The following THAP8 variants were observed in gnomAD, a reference collection of about 807,000 sequenced individuals.
THAP8 encodes THAP domain containing 8.
In THAP8, 24 loss-of-function variants were observed where a neutral mutation model predicts 25.0. The ratio of observed to expected loss-of-function variants is 0.96; its 90% CI spans 0.69 to 1.35. The LOEUF is 1.35. Ranked by LOEUF, THAP8 falls within the 40% of genes most tolerant of loss-of-function variation. The pLI, the probability that THAP8 is intolerant of heterozygous loss-of-function variation, is 0.00. For synonymous variants in THAP8, 169 were observed against 157.6 expected (o/e 1.07, Z -0.54); for missense variants, 399 against 368.8 (o/e 1.08, Z -0.67).
intron 1 of THAP8, among the ~76,000 whole-genome samples, chr19:36,043,057 T>A (rs1054930272): frequency 2.6e-5 from 4 of 152,154 alleles, no homozygotes; most frequent in Non-Finnish European, 5.9e-5. Context: ...GCTTCCCAAG[T>A]AGCTGGGATT....
intron 1 of THAP8, among the ~76,000 whole-genome samples, chr19:36,040,429 C>T (rs570192080): frequency 1.2e-4 from 18 of 152,268 alleles, no homozygotes; most frequent in Admixed American, 9.8e-4. Flanking sequence ...TGGGTTCAAA[C>T]GATTCTTCTG....
At position 36,054,116 on chromosome 19, in the gene THAP8, C is replaced by A; in HGVS notation, c.83+19G>T. The A allele has an allele frequency of 6.2e-7, 1 of 1,610,012 alleles. No individual in the cohort carries two copies. Among genetic ancestry groups the A allele is most frequent in the East Asian group, 2.2e-5 (1 of 44,748 alleles). ...TCAGGGTCCCGCCTCCCTCAAGCCC[C>A]GCCCCGCGCTGCGCTCACTTGTAGA... On this transcript the variant is annotated intron_variant, in intron 1 of 3. Coordinates refer to ENST00000292894, the MANE Select transcript of THAP8 (RefSeq NM_152658.3).
At chr19:36,054,506 C>A (rs1193318916), upstream of THAP8, 4 of 568,608 alleles carry the variant, frequency 7.0e-6, no homozygotes, top group Non-Finnish European at 1.3e-5. Flanking sequence ...GGGGGAAGGG[C>A]GGCGTCACGG....
rs984002962 is a variant in THAP8 at position 36,044,432 on chromosome 19, C to T, written c.84-4296G>A. Among the ~76,000 whole-genome samples, 4 of 152,120 alleles carry T rather than the reference C, an allele frequency of 2.6e-5. 1 individual carries two copies. The highest frequency in any genetic ancestry group is 1.3e-4 in the Admixed American group (2 of 15,246). On this transcript the variant is annotated intron_variant, in intron 1 of 3. Coordinates refer to ENST00000292894, the MANE Select transcript of THAP8 (RefSeq NM_152658.3). ...CATAAACAAAAGCTAACCATAAAAACATCAGATGCCATTACCTACTGAGGG... is the reference window on the plus strand; with the variant it reads ...CATAAACAAAAGCTAACCATAAAAATATCAGATGCCATTACCTACTGAGGG...
In THAP8 at chr19:36,054,218, G is replaced by A; in HGVS notation, c.-1C>T. On this transcript the variant is annotated 5_prime_UTR_variant, in exon 1 of 4. Coordinates refer to ENST00000292894, the MANE Select transcript of THAP8 (RefSeq NM_152658.3). ...TCGGCGCCCTGCAGTACTTGGGCAT[G>A]GCTATCCAGCCCCCGCTGAGTTTTG... is the stretch of plus-strand genomic sequence containing the variant. The A allele has an allele frequency of 6.2e-7, 1 of 1,613,328 alleles. No individual in the cohort carries two copies. The highest frequency in any genetic ancestry group is 1.1e-5 in the South Asian group (1 of 90,866).
intron 1 of THAP8, among the ~76,000 whole-genome samples, chr19:36,049,749 G>A (rs1443335314): frequency 3.3e-5 from 5 of 152,190 alleles, no homozygotes; most frequent in Non-Finnish European, 7.3e-5. Flanking sequence ...TTGTTGTTAT[G>A]AGAGAGGTAA....
In THAP8 at chr19:36,048,857, CA is replaced by C. The variant is rs1053047034; in HGVS notation, c.83+5277del. On this transcript the variant is annotated intron_variant, in intron 1 of 3. Coordinates refer to ENST00000292894, the MANE Select transcript of THAP8 (RefSeq NM_152658.3). ...CCCCTTCTTTAAAAAAAAAAAAAAA[CA>C]AAAAAACAAAAAACACCTTTGTTGT... Among the ~76,000 whole-genome samples, 99 of 95,810 alleles carry C rather than the reference CA, an allele frequency of 1.0e-3. 4 individuals carry two copies. Among genetic ancestry groups the C allele is most frequent in the Admixed American group, 2.7e-3 (24 of 9,012 alleles). 62.9% of individuals were successfully genotyped at this position (95,810 alleles called of 152,430 possible). A position where few individuals can be genotyped will look rare whatever the true frequency, so the allele number is the denominator to read the frequency against.
chr19:36,035,775 G>A (rs1969416106), intron 3 of THAP8, among the ~76,000 whole-genome samples, 183 bp from the exon 4 acceptor site: 1 of 152,016 alleles, frequency 6.6e-6, no homozygotes, highest in Non-Finnish European at 1.5e-5. Flanking sequence ...AGACATTCAT[G>A]GGAAAGGAAA....
At chr19:36,038,278 T>C (rs1211739009) in intron 3 of THAP8, among the ~76,000 whole-genome samples, 1 of 151,784 alleles carries the variant, frequency 6.6e-6, no homozygotes, top group Non-Finnish European at 1.5e-5. Context: ...GGTTTTTGGT[T>C]TTTTTTGAGA....
At chr19:36,052,409 C>G (rs1408479369) in intron 1 of THAP8, among the ~76,000 whole-genome samples, 2 of 152,210 alleles carry the variant, frequency 1.3e-5, no homozygotes, top group African/African-American at 4.8e-5. Context: ...AAACCATTCC[C>G]CCAACCCTAT....
At position 36,048,238 on chromosome 19, in the gene THAP8, G is replaced by T. The variant is rs368822545; in HGVS notation, c.83+5897C>A. On this transcript the variant is annotated intron_variant, in intron 1 of 3. Coordinates refer to ENST00000292894, the MANE Select transcript of THAP8 (RefSeq NM_152658.3). Reference sequence around the variant, plus strand: ...AAATGACCTGCAAAGGACATAGTGTGAGCAAGAAATACACCTTTGGGCCAC... The same window carrying T: ...AAATGACCTGCAAAGGACATAGTGTTAGCAAGAAATACACCTTTGGGCCAC... Among the ~76,000 whole-genome samples, 23 of 152,282 alleles carry T rather than the reference G, an allele frequency of 1.5e-4. 1 individual carries two copies. In the South Asian group the frequency reaches 4.8e-3, roughly 32 times the overall value.
chr19:36,039,850 A>G, intron 2 of THAP8, 94 bp downstream of exon 2: 1 of 1,584,384 alleles, frequency 6.3e-7, no homozygotes, highest in South Asian at 1.1e-5. Context: ...TGTCGTCAGG[A>G]GGGGAGGGCC....
chr19:36,039,212 A>G (rs1969588900), intron 3 of THAP8, 111 bp downstream of exon 3: 17 of 1,360,716 alleles, frequency 1.2e-5, no homozygotes, highest in Middle Eastern at 2.7e-4. Context: ...AAATTTGGAA[A>G]CACGGCTGAA....
chr19:36,037,342 C>CCACACACACACA (rs1969505749), intron 3 of THAP8, among the ~76,000 whole-genome samples: 1 of 98,480 alleles, frequency 1.0e-5, no homozygotes, highest in African/African-American at 4.9e-5. Flanking sequence ...AATTCCTCCC[C>CCACACACACACA]TACACACACA....
intron 3 of THAP8, among the ~76,000 whole-genome samples, chr19:36,037,276 AC>A (rs1389240575): frequency 2.4e-5 from 3 of 124,950 alleles, no homozygotes; most frequent in Admixed American, 1.6e-4. Flanking sequence ...ACACACACAC[AC>A]ACCTTCCTCA....
In THAP8 at chr19:36,035,504, T is replaced by C; in HGVS notation, c.761A>G (p.Asp254Gly). Residue 254 changes from aspartate (D) to glycine (G), a missense_variant, in exon 4 of 4, where the codon GAC (aspartate) becomes GGC (glycine). Coordinates refer to ENST00000292894, the MANE Select transcript of THAP8 (RefSeq NM_152658.3). ...GGCATCCACTGTGGCAGGTGCAGGG[T>C]CCTGGGCAAGGACCATGGCTATGTC... ...GPDIAMVLAQ[D>G]PAPATVDAKP... is the part of the protein sequence containing the mutation. The C allele has an allele frequency of 6.2e-7, 1 of 1,614,112 alleles. No individual in the cohort carries two copies. Among genetic ancestry groups the C allele is most frequent in the East Asian group, 2.2e-5 (1 of 44,878 alleles).
chr19:36,053,421 GGCGCGTGC>G (rs1168904942), intron 1 of THAP8, among the ~76,000 whole-genome samples: 1 of 149,726 alleles, frequency 6.7e-6, no homozygotes, highest in Non-Finnish European at 1.5e-5. Flanking sequence ...CAGGCATGGT[GGCGCGTGC>G]CTCTGGTCCC....
chr19:36,039,978 A>C lies in THAP8; in HGVS notation c.242T>G (p.Val81Gly), dbSNP rs780260210. 1.2e-6 allele frequency: 2 copies of C among 1,613,358 alleles called. No homozygotes were observed. The highest frequency in any genetic ancestry group is 8.5e-7 in the Non-Finnish European group (1 of 1,179,938). ...TGGTCCCCGGGAGAAGATGGAGGGC[A>C]CTGCATCAGGCCGCAGGTAGCGCAC... ...WGVRYLRPDA[V>G]PSIFSRGPPA... is the part of the protein sequence containing the mutation. Residue 81 changes from valine (V) to glycine (G), a missense_variant, in exon 2 of 4, where the codon GTG becomes GGG. Coordinates refer to ENST00000292894, the MANE Select transcript of THAP8 (RefSeq NM_152658.3).
intron 3 of THAP8, among the ~76,000 whole-genome samples, chr19:36,037,299 T>TACAC (rs376932776): frequency 0.02 from 1,334 of 67,732 alleles, 21 homozygotes; most frequent in Non-Finnish European, 0.023. Context: ...CTTCCTCCCC[T>TACAC]ACACACACAC....
Sources: allele counts gnomAD v4.1 joint callset (sites outside exome capture counted in the v4.1 genomes callset), GRCh38; gene constraint gnomAD v4.1.1; transcripts MANE v1.5; gene names NCBI Gene and HGNC (gene_info 2026-07-23, HGNC 2026-07-21).